PARD3: variants seen among roughly 807,000 people sequenced by gnomAD.
PARD3 encodes partitioning defective 3 homolog.
Under a neutral mutation model 155.4 loss-of-function variants are expected in PARD3, and 75 were observed. The observed-to-expected ratio is 0.48, with a 90% CI of 0.40 to 0.58. The LOEUF is 0.58. Among genes scored for constraint, PARD3 ranks in the 20% least tolerant of loss-of-function variants. The pLI is 0.00. For missense variants in PARD3, 1,642 were observed against 1,721.7 expected (o/e 0.95, Z 0.82); for synonymous variants, 576 against 610.5 (o/e 0.94, Z 0.83).
At chr10:34,666,816 T>TATATATATATATATATATATATATACAC (rs765552982) in intron 2 of PARD3, among the ~76,000 whole-genome samples, 13 of 88,774 alleles carry the variant, frequency 1.5e-4, no homozygotes, top group African/African-American at 2.8e-4. Flanking sequence ...TATATATATA[T>TATATATATATATATATATATATATACAC]ACACACACAC....
At chr10:34,261,696 G>T (rs1192011263) in intron 22 of PARD3, among the ~76,000 whole-genome samples, 1 of 99,336 alleles carries the variant, frequency 1.0e-5, no homozygotes, top group East Asian at 2.2e-4. Flanking sequence ...CTCAAAGAAA[G>T]AAAGGAAGAA....
intron 2 of PARD3, among the ~76,000 whole-genome samples, chr10:34,547,562 T>C (rs2084189432): frequency 1.3e-5 from 2 of 152,252 alleles, no homozygotes; most frequent in African/African-American, 4.8e-5. Context: ...ATGACATGTT[T>C]AACTTTAACA....
intron 2 of PARD3, among the ~76,000 whole-genome samples, chr10:34,694,478 T>C (rs894634359): frequency 6.7e-6 from 1 of 148,416 alleles, no homozygotes; most frequent in African/African-American, 2.5e-5. Flanking sequence ...TGCTTTTTTT[T>C]TTTTTTTTTT....
chr10:34,701,642 C>G (rs1208352630), intron 1 of PARD3, among the ~76,000 whole-genome samples: 1 of 152,042 alleles, frequency 6.6e-6, no homozygotes, highest in African/African-American at 2.4e-5. Context: ...TGCCTATACT[C>G]CCAGTGCTTT....
chr10:34,570,748 C>T (rs2086324255), intron 2 of PARD3, among the ~76,000 whole-genome samples: 1 of 152,164 alleles, frequency 6.6e-6, no homozygotes, highest in Non-Finnish European at 1.5e-5. Context: ...CACTGTCAGA[C>T]AGATGACACC....
chr10:34,632,132 A>G (rs1440140219), intron 2 of PARD3, among the ~76,000 whole-genome samples: 1 of 152,112 alleles, frequency 6.6e-6, no homozygotes, highest in Non-Finnish European at 1.5e-5. Context: ...GGTGGCAGGC[A>G]CCTGTAATCC....
At chr10:34,564,857 AC>A (rs1242797838) in intron 2 of PARD3, among the ~76,000 whole-genome samples, 1 of 152,212 alleles carries the variant, frequency 6.6e-6, no homozygotes, top group Non-Finnish European at 1.5e-5. Flanking sequence ...TGTATGAAAT[AC>A]AATAATCAAC....
rs560015855 is a variant in PARD3 at position 34,563,526 on chromosome 10, C to T, written c.223-46367G>A. 4.1e-5 allele frequency among the ~76,000 whole-genome samples: 5 copies of T among 120,810 alleles called. No homozygotes were observed. In the South Asian group the frequency reaches 9.6e-4, roughly 23 times the overall value. The allele number at this position is 120,810 out of a possible 152,430, so 79.3% of individuals were successfully genotyped here. A position where few individuals can be genotyped will look rare whatever the true frequency, so the allele number is the denominator to read the frequency against. The stretch of plus-strand genomic sequence containing the variant: ...TGAATATAGGTGCACGCCACCACGC[C>T]TGCTAATTTTTTTTTTTTTTTTGAG... On this transcript the variant is annotated intron_variant, in intron 2 of 24. Transcript: ENST00000374788.
intron 2 of PARD3, among the ~76,000 whole-genome samples, chr10:34,623,296 T>C (rs576652629): frequency 2.0e-5 from 3 of 152,348 alleles, no homozygotes; most frequent in Admixed American, 6.5e-5. Context: ...CACCTATTTA[T>C]AGCAGACATG....
At chr10:34,197,504 A>T (rs1951003037) in intron 22 of PARD3, among the ~76,000 whole-genome samples, 1 of 152,150 alleles carries the variant, frequency 6.6e-6, no homozygotes, top group Non-Finnish European at 1.5e-5. Flanking sequence ...CTTTGTCAAA[A>T]CTTCAACAAT....
chr10:34,315,025 T>C lies in PARD3; in HGVS notation c.3065+2082A>G, dbSNP rs564948225. ...CAGTCATTCTTAAACACTGGGAGAA[T>C]ATCAGCCTAATTTTTAGGGGGAAAA... On this transcript the variant is annotated intron_variant, in intron 20 of 24. Transcript: ENST00000374788. 3.3e-5 allele frequency among the ~76,000 whole-genome samples: 5 copies of C among 152,224 alleles called. No individual in the cohort carries two copies. The South Asian group carries it at 1.0e-3, about 32-fold the overall frequency.
At chr10:34,657,082 G>A (rs1004948556) in intron 2 of PARD3, among the ~76,000 whole-genome samples, 1 of 152,134 alleles carries the variant, frequency 6.6e-6, no homozygotes, top group African/African-American at 2.4e-5. Flanking sequence ...GCCCAGGTCT[G>A]TTCTAGCCTT....
intron 5 of PARD3, among the ~76,000 whole-genome samples, chr10:34,435,715 T>C (rs188073175): frequency 1.1e-3 from 167 of 152,268 alleles, no homozygotes; most frequent in African/African-American, 3.7e-3. Context: ...TTCTATACTA[T>C]CATATAACAT....
chr10:34,632,120 G>T (rs1264252958), intron 2 of PARD3, among the ~76,000 whole-genome samples: 2 of 152,190 alleles, frequency 1.3e-5, no homozygotes, highest in African/African-American at 4.8e-5. Context: ...TTAGCCAGGT[G>T]TGGTGGCAGG....
At chr10:34,440,282 G>A (rs898422897) in intron 5 of PARD3, among the ~76,000 whole-genome samples, 2 of 152,090 alleles carry the variant, frequency 1.3e-5, no homozygotes, top group African/African-American at 4.8e-5. Context: ...TTAAAGAATA[G>A]CAGTTGCACA....
chr10:34,387,503 C>G (rs1238150248), intron 7 of PARD3, among the ~76,000 whole-genome samples: 1 of 152,144 alleles, frequency 6.6e-6, no homozygotes, highest in Non-Finnish European at 1.5e-5. Flanking sequence ...CAAGCTCAAA[C>G]CCCGGGGCTC....
chr10:34,516,246 T>C (rs145719026), intron 3 of PARD3, among the ~76,000 whole-genome samples: 1 of 152,328 alleles, frequency 6.6e-6, no homozygotes, highest in East Asian at 1.9e-4. Flanking sequence ...ATTATAGGCA[T>C]AAGCCACCCC....
intron 1 of PARD3, among the ~76,000 whole-genome samples, chr10:34,792,871 A>C (rs546679055): frequency 6.6e-6 from 1 of 152,400 alleles, no homozygotes; most frequent in African/African-American, 2.4e-5. Flanking sequence ...AACTAATAAA[A>C]CATGTAATAA....
Position 34,576,235 on chromosome 10 carries a change from C to A in PARD3, c.223-59076G>T, listed in dbSNP as rs558752108. On this transcript the variant is annotated intron_variant, in intron 2 of 24. Coordinates refer to ENST00000374788, the MANE Select transcript of PARD3 (RefSeq NM_001184785.2). ...ACATCCACTTAGATGCTGTGGAGGA[C>A]AAAATCCTAAACAACATAATACAGT... Among the ~76,000 whole-genome samples, 7 of 152,290 alleles carry A rather than the reference C, an allele frequency of 4.6e-5. No individual in the cohort carries two copies. The South Asian group carries it at 1.0e-3, about 23-fold the overall frequency.
Sources: gnomAD v4.1 joint callset for allele counts (sites outside exome capture counted in the v4.1 genomes callset) on GRCh38, gnomAD v4.1.1 for gene constraint, MANE v1.5 for transcripts, NCBI Gene and HGNC (gene_info 2026-07-23, HGNC 2026-07-21) for gene names.